The following PSKH1 variants were observed in gnomAD, a reference collection of about 807,000 sequenced individuals.
PSKH1 encodes serine/threonine-protein kinase H1.
A neutral mutation model predicts 26.7 loss-of-function variants in PSKH1; 12 were observed. The observed-to-expected ratio is 0.45, with a 90% CI of 0.29 to 0.73. The LOEUF (loss-of-function observed/expected upper bound fraction) is 0.73, where lower values mean the gene tolerates loss of function less well. Ranked by LOEUF, PSKH1 falls within the 30% of genes least tolerant of loss-of-function variation. The probability of loss-of-function intolerance (pLI) is 0.11; values close to 1 mark genes in which losing one functional copy is unlikely to be tolerated. For missense variants in PSKH1, 431 were observed against 595.2 expected, an observed-to-expected ratio of 0.72 and a Z score of 2.87; for synonymous variants, 213 against 234.3, an observed-to-expected ratio of 0.91 and a Z score of 0.83.
chr16:67,909,076 C>T lies in PSKH1; in HGVS notation c.327C>T (p.Phe109=), dbSNP rs769757651. The T allele has an allele frequency of 1.2e-6, 2 of 1,614,226 alleles. No individual in the cohort carries two copies. The highest frequency in any genetic ancestry group is 1.1e-5 in the South Asian group (1 of 91,086). ...AGGCCCTAATTGGCCGAGGCAGCTT[C>T]AGCCGAGTGGTACGTGTAGAGCACC... ...DIKALIGRGS[F]SRVVRVEHRA... Residue 109 remains phenylalanine, a synonymous_variant, in exon 2 of 3, where the codon TTC becomes TTT. Transcript: ENST00000291041. The surrounding 1 kb of genome is among the most constrained non-coding windows in gnomAD (Gnocchi z 7.8).
At chr16:67,926,955 C>G (rs1233293826) in intron 2 of PSKH1, among the ~76,000 whole-genome samples, 4 of 152,190 alleles carry the variant, frequency 2.6e-5, no homozygotes, top group Non-Finnish European at 5.9e-5. Flanking sequence ...GAGCTTCAAT[C>G]TGACTTAGGA....
chr16:67,911,448 C>T (rs1000351647), intron 2 of PSKH1, among the ~76,000 whole-genome samples: 11 of 152,012 alleles, frequency 7.2e-5, no homozygotes, highest in Non-Finnish European at 1.0e-4. Flanking sequence ...TTTGGGAGGC[C>T]GAGACAGGTG....
Position 67,927,281 on chromosome 16 carries a change from C to A in PSKH1, c.958-44C>A. On this transcript the variant is annotated intron_variant, in intron 2 of 2. Coordinates refer to ENST00000291041, the MANE Select transcript of PSKH1 (RefSeq NM_006742.3). The surrounding 1 kb of genome is among the most constrained non-coding windows in gnomAD (Gnocchi z 5.5). Reference sequence around the variant, plus strand: ...AGTGGCCTCATCCAGATGGGGTGGGCAGTGTCAGATGCTCTCACTCTAATG... The same window carrying A: ...AGTGGCCTCATCCAGATGGGGTGGGAAGTGTCAGATGCTCTCACTCTAATG... 6.5e-7 allele frequency: 1 copy of A among 1,538,346 alleles called. No homozygotes were observed.
intron 2 of PSKH1, among the ~76,000 whole-genome samples, chr16:67,925,309 CCT>C (rs1383932172): frequency 1.3e-5 from 2 of 152,182 alleles, no homozygotes; most frequent in East Asian, 3.9e-4. Flanking sequence ...AATTCTCCTG[CCT>C]CAGCTTCCTG....
chr16:67,926,059 AG>A (rs1251074338), intron 2 of PSKH1, among the ~76,000 whole-genome samples: 1 of 152,098 alleles, frequency 6.6e-6, no homozygotes, highest in African/African-American at 2.4e-5. Flanking sequence ...TGGGTGGTGA[AG>A]GGTACCATGG....
At chr16:67,915,448 G>C (rs1379632542) in intron 2 of PSKH1, among the ~76,000 whole-genome samples, 1 of 152,160 alleles carries the variant, frequency 6.6e-6, no homozygotes, top group African/African-American at 2.4e-5. Context: ...TTTCCTGGGG[G>C]AGGGGTCCTT....
rs2058227894 is a variant in PSKH1 at position 67,928,770 on chromosome 16, G to A, written c.*1128G>A. The A allele has an allele frequency of 6.6e-6, 1 of 152,344 alleles. No homozygotes were observed. The highest frequency in any genetic ancestry group is 6.5e-5 in the Admixed American group (1 of 15,288). The allele number at this position is 152,344 out of a possible 1,614,324, so 9.4% of individuals were successfully genotyped here. A position where few individuals can be genotyped will look rare whatever the true frequency, so the allele number is the denominator to read the frequency against. ...GGTGCACACCTGTAGTCCTCCATGA[G>A]GACATGGGAAGGTAGGAGTTGCCGC... On this transcript the variant is annotated 3_prime_UTR_variant, in exon 3 of 3. Transcript: ENST00000291041. The surrounding 1 kb of genome is among the most constrained non-coding windows in gnomAD (Gnocchi z 4.8).
At position 67,914,771 on chromosome 16, in the gene PSKH1, T is replaced by G. The variant is rs1011007967; in HGVS notation, c.957+5065T>G. Among the ~76,000 whole-genome samples the G allele has an allele frequency of 7.9e-5, 12 of 152,300 alleles. No homozygotes were observed. The East Asian group carries it at 2.3e-3, about 29-fold the overall frequency. On this transcript the variant is annotated intron_variant, in intron 2 of 2. Coordinates refer to ENST00000291041, the MANE Select transcript of PSKH1 (RefSeq NM_006742.3). ...ACCCGGTGAAACTGAAATTTTAAGA[T>G]AGATCTGGGAATGTCTGAAGCTTGA...
intron 2 of PSKH1, among the ~76,000 whole-genome samples, chr16:67,920,652 G>A (rs1035364252): frequency 1.3e-5 from 2 of 152,208 alleles, no homozygotes; most frequent in African/African-American, 4.8e-5. Context: ...TGGCATAGCT[G>A]ATGGTGACCT....
At chr16:67,912,608 C>T (rs2058176285) in intron 2 of PSKH1, among the ~76,000 whole-genome samples, 1 of 152,124 alleles carries the variant, frequency 6.6e-6, no homozygotes. Context: ...GTGGCTCACG[C>T]CTGTAATCCC....
intron 2 of PSKH1, among the ~76,000 whole-genome samples, chr16:67,919,777 G>T (rs1379083273): frequency 6.6e-6 from 1 of 152,190 alleles, no homozygotes; most frequent in African/African-American, 2.4e-5. Flanking sequence ...CTCCATGTGA[G>T]GCCAGAGGAA....
chr16:67,912,817 G>A (rs967285335), intron 2 of PSKH1, among the ~76,000 whole-genome samples: 2 of 151,958 alleles, frequency 1.3e-5, no homozygotes, highest in Admixed American at 6.6e-5. Context: ...GCAGTGAGCC[G>A]AGATTGTGCC....
rs148106768 is a variant in PSKH1 at position 67,895,278 on chromosome 16, T to C, written c.-71+1907T>C. Among the ~76,000 whole-genome samples the C allele has an allele frequency of 8.6e-4, 131 of 152,012 alleles. 1 individual carries two copies. The highest frequency in any genetic ancestry group is 1.7e-3 in the Non-Finnish European group (115 of 67,960). On this transcript the variant is annotated intron_variant, in intron 1 of 2. Transcript: ENST00000291041. Reference sequence around the variant, plus strand: ...CGAGGTCTCGCCATGTTGCCGAGGCTGGTGTCGAACTCCTGGGCTCAAGCA... The same window carrying C: ...CGAGGTCTCGCCATGTTGCCGAGGCCGGTGTCGAACTCCTGGGCTCAAGCA...
intron 2 of PSKH1, among the ~76,000 whole-genome samples, chr16:67,919,680 A>G (rs1312149582): frequency 3.3e-5 from 5 of 152,182 alleles, no homozygotes; most frequent in Non-Finnish European, 4.4e-5. Context: ...GGGCCACTGG[A>G]TGGAGGCAGT....
chr16:67,907,384 C>A (rs1026674722), intron 1 of PSKH1, among the ~76,000 whole-genome samples: 2 of 152,042 alleles, frequency 1.3e-5, no homozygotes, highest in Non-Finnish European at 2.9e-5. Flanking sequence ...CCTCAGCCCC[C>A]CAAGTGGCTG....
In PSKH1 at chr16:67,927,578, G is replaced by A. The variant is rs766782692; in HGVS notation, c.1211G>A (p.Arg404His). Residue 404 changes from arginine to histidine, a missense_variant, in exon 3 of 3, where the codon CGC becomes CAC. Arg to His is a conservative substitution (Grantham distance 29, BLOSUM62 0). Transcript: ENST00000291041. The surrounding 1 kb of genome is among the most constrained non-coding windows in gnomAD (Gnocchi z 5.5). ...CGCTCCACACGCTCCAATAAGTCACGCCGTGTGCGGGAACGGGAGCTGCGG... is the reference window on the plus strand; with the variant it reads ...CGCTCCACACGCTCCAATAAGTCACACCGTGTGCGGGAACGGGAGCTGCGG... ...SSRSTRSNKS[R>H]RVRERELREL... 3 of 1,613,432 alleles carry A rather than the reference G, an allele frequency of 1.9e-6. No individual in the cohort carries two copies. Among genetic ancestry groups the A allele is most frequent in the South Asian group, 1.1e-5 (1 of 91,090 alleles).
At chr16:67,925,694 G>A (rs1395905174) in intron 2 of PSKH1, among the ~76,000 whole-genome samples, 2 of 152,116 alleles carry the variant, frequency 1.3e-5, no homozygotes, top group African/African-American at 4.8e-5. Flanking sequence ...CTGGCCCACT[G>A]ATGAGGATGA....
At chr16:67,916,446 C>T (rs920126928) in intron 2 of PSKH1, among the ~76,000 whole-genome samples, 1 of 152,138 alleles carries the variant, frequency 6.6e-6, no homozygotes, top group African/African-American at 2.4e-5. Flanking sequence ...AGAAAGCTTC[C>T]TGCAGAAGAT....
chr16:67,928,662 G>C lies in PSKH1; in HGVS notation c.*1020G>C, dbSNP rs1004975637. 3 of 152,660 alleles carry C rather than the reference G, an allele frequency of 2.0e-5. No homozygotes were observed. The highest frequency in any genetic ancestry group is 7.2e-5 in the African/African-American group (3 of 41,458). The allele number at this position is 152,660 out of a possible 1,614,324, so 9.5% of individuals were successfully genotyped here. ...CTGCAGCTGCACGAAGGCGCCATCT[G>C]GTGTCTGCATGGGTGTTGGCAGCCT... On this transcript the variant is annotated 3_prime_UTR_variant, in exon 3 of 3. Transcript: ENST00000291041. The surrounding 1 kb of genome is among the most constrained non-coding windows in gnomAD (Gnocchi z 4.8).
Sources: allele counts gnomAD v4.1 joint callset (sites outside exome capture counted in the v4.1 genomes callset), GRCh38; gene constraint gnomAD v4.1.1; non-coding constraint Gnocchi (gnomAD v3.1); transcripts MANE v1.5; gene names NCBI Gene and HGNC (gene_info 2026-07-23, HGNC 2026-07-21).